TBC1D22A: variants seen among roughly 807,000 people sequenced by gnomAD.
TBC1D22A encodes the protein putative GTPase activator.
Under a neutral mutation model 60.2 loss-of-function variants are expected in TBC1D22A, and 38 were observed. The observed-to-expected ratio is 0.63, with a 90% CI of 0.49 to 0.83. The LOEUF is 0.83. Among genes scored for constraint, TBC1D22A ranks in the 40% least tolerant of loss-of-function variants. The pLI is 0.00. For missense variants in TBC1D22A, 628 were observed against 701.0 expected, an observed-to-expected ratio of 0.90 and a Z score of 1.18; for synonymous variants, 302 against 281.7, an observed-to-expected ratio of 1.07 and a Z score of -0.72.
chr22:46,806,991 A>T (rs977745660), intron 4 of TBC1D22A, among the ~76,000 whole-genome samples: 13 of 152,362 alleles, frequency 8.5e-5, no homozygotes, highest in African/African-American at 3.1e-4. Context: ...CATGGCCTGG[A>T]TACTCTAGTA....
intron 8 of TBC1D22A, among the ~76,000 whole-genome samples, chr22:46,972,706 G>T (rs148284783): frequency 6.6e-6 from 1 of 152,210 alleles, no homozygotes; most frequent in African/African-American, 2.4e-5. Context: ...TCTGGAACTA[G>T]CGGTGACGCT....
chr22:46,857,585 T>A (rs1202424522), intron 4 of TBC1D22A, among the ~76,000 whole-genome samples: 1 of 152,228 alleles, frequency 6.6e-6, no homozygotes, highest in African/African-American at 2.4e-5. Flanking sequence ...TTGACTGTCA[T>A]CACAGTCAAT....
chr22:46,879,568 G>A (rs886468581), intron 5 of TBC1D22A, among the ~76,000 whole-genome samples: 1 of 152,188 alleles, frequency 6.6e-6, no homozygotes, highest in African/African-American at 2.4e-5. Flanking sequence ...AAATGCAGAC[G>A]CAGCTCTGAA....
chr22:46,890,997 A>G (rs2068369251), intron 5 of TBC1D22A, among the ~76,000 whole-genome samples: 1 of 152,290 alleles, frequency 6.6e-6, no homozygotes, highest in South Asian at 2.1e-4. Context: ...ACTGTTGTCC[A>G]GGTGAGTGGG....
rs9615123 is a variant in TBC1D22A, at chr22:47,043,702, G to C, written c.1329+6504G>C. Among the ~76,000 whole-genome samples the C allele has an allele frequency of 2.7e-3, 404 of 152,222 alleles. 4 individuals carry two copies. The highest frequency in any genetic ancestry group is 3.6e-3 in the Non-Finnish European group (244 of 67,994). On this transcript the variant is annotated intron_variant, in intron 11 of 12. Coordinates refer to ENST00000337137, the MANE Select transcript of TBC1D22A (RefSeq NM_014346.5). ...AGGAGGGTGGAAGGGTGCAAAGAGG[G>C]TCCTCCCATAGGGCATAGAGCAGGT...
intron 4 of TBC1D22A, among the ~76,000 whole-genome samples, chr22:46,826,919 A>G (rs982548685): frequency 2.0e-5 from 3 of 152,016 alleles, no homozygotes; most frequent in Non-Finnish European, 2.9e-5. Context: ...TGAATACACG[A>G]AAACGTAAAT....
At chr22:47,042,728 C>A (rs867612212) in intron 11 of TBC1D22A, among the ~76,000 whole-genome samples, 3 of 152,362 alleles carry the variant, frequency 2.0e-5, no homozygotes, top group Non-Finnish European at 2.9e-5. Context: ...CCACACAGAC[C>A]CCTGCGGGCC....
chr22:47,112,682 G>A (rs1234799167), intron 12 of TBC1D22A, among the ~76,000 whole-genome samples: 1 of 152,208 alleles, frequency 6.6e-6, no homozygotes, highest in Non-Finnish European at 1.5e-5. Flanking sequence ...GTGTTCGCAG[G>A]TGGATGGGAC....
chr22:46,948,594 C>T (rs566757713), intron 8 of TBC1D22A, among the ~76,000 whole-genome samples: 4 of 152,294 alleles, frequency 2.6e-5, no homozygotes, highest in Admixed American at 6.5e-5. Flanking sequence ...CTCTGTGTTC[C>T]GTGGCAATGG....
At chr22:47,068,443 G>A (rs1296152880) in intron 11 of TBC1D22A, among the ~76,000 whole-genome samples, 1 of 152,236 alleles carries the variant, frequency 6.6e-6, no homozygotes, top group Non-Finnish European at 1.5e-5. Context: ...AGAAGATGAA[G>A]ATAGCTCTTC....
intron 4 of TBC1D22A, among the ~76,000 whole-genome samples, chr22:46,860,981 T>TA (rs1906685151): frequency 8.6e-6 from 1 of 115,832 alleles, no homozygotes; most frequent in South Asian, 2.4e-4. Flanking sequence ...GATAATAAAT[T>TA]AATTTTTTTT....
chr22:46,782,975 G>A (rs2084004191), intron 1 of TBC1D22A, among the ~76,000 whole-genome samples: 1 of 152,206 alleles, frequency 6.6e-6, no homozygotes, highest in Admixed American at 6.5e-5. Context: ...CTACCTCCGA[G>A]TGGAATTGAT....
rs1411705177 is a variant in TBC1D22A at position 47,028,114 on chromosome 22, AT to A, written c.1202-8956del. ...ACGTCTGTGAGGTGAAAATGATTTA[AT>A]ACCTTGTTGCTTCAGTGCCATGTAG... is the stretch of plus-strand genomic sequence containing the variant. On this transcript the variant is annotated intron_variant, in intron 10 of 12. Transcript: ENST00000337137. This position sits in a 1 kb window ranked among gnomAD's most constrained non-coding sequence, Gnocchi z 4.4. 2.0e-5 allele frequency among the ~76,000 whole-genome samples: 3 copies of A among 152,188 alleles called. No individual in the cohort carries two copies. Among genetic ancestry groups the A allele is most frequent in the African/African-American group, 7.2e-5 (3 of 41,440 alleles).
intron 11 of TBC1D22A, among the ~76,000 whole-genome samples, chr22:47,065,099 T>A (rs1464503166): frequency 6.6e-6 from 1 of 152,156 alleles, no homozygotes; most frequent in African/African-American, 2.4e-5. Flanking sequence ...TTCTCAACCT[T>A]CCGAGCGATT....
rs981836027 is a variant in TBC1D22A, at chr22:47,028,575, C to T, written c.1202-8496C>T. On this transcript the variant is annotated intron_variant, in intron 10 of 12. Coordinates refer to ENST00000337137, the MANE Select transcript of TBC1D22A (RefSeq NM_014346.5). This position sits in a 1 kb window ranked among gnomAD's most constrained non-coding sequence, Gnocchi z 4.4. Reference sequence around the variant, plus strand: ...GTTCCTGTCCCTCGGTCCCTGTCCCCCACGGCCCAGGAATGAATCTGGTAT... The same window carrying T: ...GTTCCTGTCCCTCGGTCCCTGTCCCTCACGGCCCAGGAATGAATCTGGTAT... Among the ~76,000 whole-genome samples the T allele has an allele frequency of 2.0e-5, 3 of 152,082 alleles. No individual in the cohort carries two copies. The highest frequency in any genetic ancestry group is 2.9e-5 in the Non-Finnish European group (2 of 68,038).
At chr22:47,000,262 C>T (rs1046102070) in intron 10 of TBC1D22A, among the ~76,000 whole-genome samples, 2 of 151,816 alleles carry the variant, frequency 1.3e-5, no homozygotes, top group Non-Finnish European at 2.9e-5. Flanking sequence ...TCATCAGGAG[C>T]GAGCAGAGAG....
chr22:47,041,675 C>T (rs560983618), intron 11 of TBC1D22A, among the ~76,000 whole-genome samples: 143 of 152,316 alleles, frequency 9.4e-4, no homozygotes, highest in African/African-American at 3.2e-3. Flanking sequence ...CATCCCTGGG[C>T]GAGCCGAGTT....
At chr22:47,032,647 C>A (rs1321576792) in intron 10 of TBC1D22A, among the ~76,000 whole-genome samples, 1 of 152,264 alleles carries the variant, frequency 6.6e-6, no homozygotes, top group Non-Finnish European at 1.5e-5. Flanking sequence ...CCTTGGTACA[C>A]TGGGGCCCTG....
rs77669105 is a variant in TBC1D22A at position 46,786,181 on chromosome 22, T to G, written c.63-6339T>G. Among the ~76,000 whole-genome samples, 146 of 152,340 alleles carry G rather than the reference T, an allele frequency of 9.6e-4. 1 individual carries two copies. Among genetic ancestry groups the G allele is most frequent in the African/African-American group, 3.4e-3 (140 of 41,576 alleles). On this transcript the variant is annotated intron_variant, in intron 1 of 12. Coordinates refer to ENST00000337137, the MANE Select transcript of TBC1D22A (RefSeq NM_014346.5). ...TAGATATCCTTTATCAGGATGAAGA[T>G]TACCTTTAATTCCTAGTTTGTTGAT...
Sources: allele counts gnomAD v4.1 joint callset (sites outside exome capture counted in the v4.1 genomes callset), GRCh38; gene constraint gnomAD v4.1.1; non-coding constraint Gnocchi (gnomAD v3.1); transcripts MANE v1.5; gene names NCBI Gene and HGNC (gene_info 2026-07-23, HGNC 2026-07-21).